SDR42E2: variants seen among roughly 807,000 people sequenced by gnomAD.
The protein encoded by SDR42E2 is putative short-chain dehydrogenase/reductase family 42E member 2.
In SDR42E2, 20 loss-of-function variants were observed where a neutral mutation model predicts 10.5. The observed-to-expected ratio is 1.90, with a 90% CI of 1.34 to 2.77. The LOEUF is 2.77. Ranked by LOEUF, SDR42E2 falls within the 30% of genes most tolerant of loss-of-function variation. SDR42E2 has a pLI of 0.00. For synonymous variants in SDR42E2, 72 were observed against 39.2 expected, an observed-to-expected ratio of 1.84 and a Z score of -3.12; for missense variants, 162 against 104.2, an observed-to-expected ratio of 1.55 and a Z score of -2.42.
chr16:22,163,334 G>T (rs1039205730), intron 1 of SDR42E2, among the ~76,000 whole-genome samples: 4 of 152,068 alleles, frequency 2.6e-5, no homozygotes, highest in Non-Finnish European at 5.9e-5. Context: ...AGGAGGGCTC[G>T]CTGTGGGGCT....
rs2046539005 is a variant in SDR42E2, at chr16:22,166,311, TGGA to T, written c.126_128del (p.Gly43del). ...CTGCCAGGCAGAAGGTTCTAGTGAC[TGGA>T]GGAGGAGGCTACCTGGGCTTCAGCC... On this transcript the variant is annotated inframe_deletion, in exon 3 of 13. Coordinates refer to ENST00000602312, the MANE Select transcript of SDR42E2 (RefSeq NM_001394319.2). 2.5e-6 allele frequency: 1 copy of T among 402,376 alleles called. No homozygotes were observed. Among genetic ancestry groups the T allele is most frequent in the Non-Finnish European group, 4.4e-6 (1 of 227,108 alleles). 24.9% of individuals were successfully genotyped at this position (402,376 alleles called of 1,614,324 possible).
chr16:22,166,113 GGTACCTGGGCCGGGAGCTGGATCA>G (rs1343529596), intron 2 of SDR42E2, 113 bp from the exon 3 acceptor site: 32 of 468,792 alleles, frequency 6.8e-5, no homozygotes, highest in South Asian at 1.2e-4. Context: ...GAGCTGGATC[GGTACCTGGGCCGGGAGCTGGATCA>G]GTACCTGGGG....
At chr16:22,190,075 A>C (rs1003077290) in intron 12 of SDR42E2, 64 bp from the exon 13 acceptor site, 1 of 400,506 alleles carries the variant, frequency 2.5e-6, no homozygotes, top group Non-Finnish European at 4.4e-6. Context: ...TTCCGTAAAC[A>C]ACGAAGTAGA....
chr16:22,172,135 C>A, intron 6 of SDR42E2, 121 bp from the exon 7 acceptor site: 1 of 661,574 alleles, frequency 1.5e-6, no homozygotes, highest in East Asian at 2.7e-5. Flanking sequence ...CCATGGGGCT[C>A]AGGGCCTGGC....
At chr16:22,166,846 G>A in intron 3 of SDR42E2, 58 bp from the exon 4 acceptor site, 1 of 559,080 alleles carries the variant, frequency 1.8e-6, no homozygotes, top group Non-Finnish European at 3.3e-6. Context: ...GTGCAGAGGT[G>A]TTATCTCTTG....
At chr16:22,186,190 T>G (rs2046735233) in intron 11 of SDR42E2, among the ~76,000 whole-genome samples, 1 of 152,146 alleles carries the variant, frequency 6.6e-6, no homozygotes, top group African/African-American at 2.4e-5. Context: ...TCAGATTTAT[T>G]TAAAAACTTC....
chr16:22,165,268 A>G (rs946728811), intron 1 of SDR42E2, among the ~76,000 whole-genome samples: 2 of 152,120 alleles, frequency 1.3e-5, no homozygotes, highest in African/African-American at 4.8e-5. Context: ...TTGTATTTTC[A>G]GTAGAGACAG....
rs1428004319 is a variant in SDR42E2 at position 22,166,437 on chromosome 16, AC to A, written c.240+4del. On this transcript the variant is annotated splice_donor_region_variant and intron_variant, in intron 3 of 12. Transcript: ENST00000602312. ...CCCCGGAAACCAAGTTCATCCAGGT[AC>A]AAGGAACAAGGGTCTTAATAGACTG... 2.0e-5 allele frequency: 8 copies of A among 402,696 alleles called. No homozygotes were observed. Among genetic ancestry groups the A allele is most frequent in the South Asian group, 2.5e-4 (2 of 8,114 alleles). 24.9% of individuals were successfully genotyped at this position (402,696 alleles called of 1,614,324 possible).
At chr16:22,187,947 T>C (rs2046746842) in intron 12 of SDR42E2, among the ~76,000 whole-genome samples, 1 of 151,888 alleles carries the variant, frequency 6.6e-6, no homozygotes, top group Admixed American at 6.6e-5. Flanking sequence ...AATACAAAAA[T>C]TAGCTGGGTG....
intron 8 of SDR42E2, among the ~76,000 whole-genome samples, chr16:22,178,627 G>A (rs1318487059): frequency 6.6e-6 from 1 of 152,292 alleles, no homozygotes. Context: ...CCCTGTCCTC[G>A]AATTTCTCAG....
chr16:22,184,992 G>C (rs934268292), intron 11 of SDR42E2, among the ~76,000 whole-genome samples: 2 of 152,128 alleles, frequency 1.3e-5, no homozygotes, highest in African/African-American at 4.8e-5. Flanking sequence ...GAACCCTGGG[G>C]CTGTTCTGTC....
In SDR42E2 at chr16:22,178,139, C is replaced by T. The variant is rs2046660767; in HGVS notation, c.599C>T (p.Thr200Ile). The T allele has an allele frequency of 1.4e-6, 1 of 702,824 alleles. No individual in the cohort carries two copies. Among genetic ancestry groups the T allele is most frequent in the East Asian group, 2.7e-5 (1 of 37,278 alleles). 43.5% of individuals were successfully genotyped at this position (702,824 alleles called of 1,614,324 possible). The stretch of plus-strand genomic sequence containing the variant: ...CTTCCCTGTGTGCTAGGAGGAGGCA[C>T]TCTTCGGACGTGTGTGCTCCGGCCT... ...ANGMPLPGGG[T>I]LRTCVLRPPG... is the part of the protein sequence containing the mutation. The change falls in exon 8 of 13, where the codon ACT (threonine) becomes ATT (isoleucine). Residue 200 changes from threonine (T) to isoleucine (I), a missense_variant. Physicochemically the swap from Thr to Ile is moderately conservative, Grantham distance 89. Transcript: ENST00000602312.
rs535671276 is a variant in SDR42E2, at chr16:22,190,589, C to A, written c.*196C>A. The A allele has an allele frequency of 1.7e-4, 67 of 399,194 alleles. No individual in the cohort carries two copies. In the South Asian group the frequency reaches 5.2e-3, roughly 31 times the overall value. The allele number at this position is 399,194 out of a possible 1,614,324, so 24.7% of individuals were successfully genotyped here. On this transcript the variant is annotated 3_prime_UTR_variant, in exon 13 of 13. Transcript: ENST00000602312. ...CGCCGACTTCTGGCCACGCCCCTAT[C>A]TACTCCCAGACCTTGCCTTGCGCCC...
intron 7 of SDR42E2, among the ~76,000 whole-genome samples, chr16:22,175,635 C>G (rs959633873): frequency 2.0e-5 from 3 of 150,490 alleles, no homozygotes; most frequent in African/African-American, 7.4e-5. Context: ...TGAGCCATGA[C>G]GCACCACTGC....
chr16:22,189,589 G>T (rs1450889209), intron 12 of SDR42E2, among the ~76,000 whole-genome samples: 4 of 152,226 alleles, frequency 2.6e-5, no homozygotes, highest in Non-Finnish European at 5.9e-5. Flanking sequence ...GGGAAACACA[G>T]CTTAGACCCT....
intron 2 of SDR42E2, 93 bp from the exon 3 acceptor site, chr16:22,166,157 G>A: frequency 4.5e-6 from 2 of 445,094 alleles, no homozygotes; most frequent in Non-Finnish European, 7.9e-6. Context: ...GCAGGAGCTG[G>A]GTCTACACCT....
intron 11 of SDR42E2, among the ~76,000 whole-genome samples, chr16:22,185,418 C>T (rs774724873): frequency 2.6e-5 from 4 of 152,160 alleles, no homozygotes; most frequent in Non-Finnish European, 5.9e-5. Context: ...CCCTGAGCCA[C>T]GGCCGATGGC....
chr16:22,165,783 G>T (rs550218140), intron 2 of SDR42E2, 146 bp downstream of exon 2: 2 of 400,968 alleles, frequency 5.0e-6, no homozygotes, highest in Non-Finnish European at 4.4e-6. Context: ...GACCTCAGGC[G>T]GGTTCTGGTA....
intron 2 of SDR42E2, 70 bp from the exon 3 acceptor site, chr16:22,166,180 G>C: frequency 2.4e-6 from 1 of 420,960 alleles, no homozygotes; most frequent in Non-Finnish European, 4.2e-6. Flanking sequence ...GCCAGAGCTA[G>C]GGCCTGGGCT....
Sources: gnomAD v4.1 joint callset for allele counts (sites outside exome capture counted in the v4.1 genomes callset) on GRCh38, gnomAD v4.1.1 for gene constraint, MANE v1.5 for transcripts, NCBI Gene and HGNC (gene_info 2026-07-23, HGNC 2026-07-21) for gene names.